EIF4G3: variants seen among roughly 807,000 people sequenced by gnomAD.
EIF4G3 encodes eukaryotic translation initiation factor 4 gamma 3.
A neutral mutation model predicts 186.4 loss-of-function variants in EIF4G3; 34 were observed. That is an observed-to-expected ratio of 0.18 (90% CI 0.14 to 0.24). EIF4G3 has a LOEUF of 0.24. EIF4G3 is among the 10% of genes least tolerant of loss of function. EIF4G3 has a pLI of 1.00. For missense variants in EIF4G3, 1,536 were observed against 1,948.5 expected (o/e 0.79, Z 3.99); for synonymous variants, 673 against 679.5 (o/e 0.99, Z 0.15).
chr1:21,115,449 A>G (rs1470290184), intron 2 of EIF4G3, among the ~76,000 whole-genome samples: 1 of 152,232 alleles, frequency 6.6e-6, no homozygotes, highest in African/African-American at 2.4e-5. Flanking sequence ...ATAAAGAGAC[A>G]TGAAGTGAGC....
Position 20,973,025 on chromosome 1 carries a change from G to C in EIF4G3, c.568C>G (p.Pro190Ala). 3 of 1,606,380 alleles carry C rather than the reference G, an allele frequency of 1.9e-6. No homozygotes were observed. Among genetic ancestry groups the C allele is most frequent in the Non-Finnish European group, 2.5e-6 (3 of 1,178,034 alleles). Residue 190 changes from proline (P) to alanine (A), a missense_variant, in exon 11 of 37, where the codon CCA becomes GCA. By Grantham distance (27) the Pro-to-Ala change is conservative. Coordinates refer to ENST00000602326, the MANE Select transcript of EIF4G3 (RefSeq NM_001391906.1). ...ACAGTTTTTTTCTCTCTCTTGGCTGGAGGCGGCTGTTGCTGCGTAGGCACT... is the reference window on the plus strand; with the variant it reads ...ACAGTTTTTTTCTCTCTCTTGGCTGCAGGCGGCTGTTGCTGCGTAGGCACT... ...IIVPTQQQPP[P>A]AKREKKTIRI...
At chr1:20,999,711 A>G (rs181780495) in intron 6 of EIF4G3, 1 of 454,162 alleles carries the variant, frequency 2.2e-6, no homozygotes, top group Admixed American at 2.4e-5. Context: ...TCTATTTTGC[A>G]CTAGTCACCA....
chr1:21,001,440 G>T, intron 5 of EIF4G3, 128 bp from the exon 6 acceptor site: 1 of 384,960 alleles, frequency 2.6e-6, no homozygotes, highest in Non-Finnish European at 5.2e-6. Flanking sequence ...CAGAAAGAGG[G>T]CCAAAGAATT....
At chr1:21,043,803 G>C (rs1335587984) in intron 4 of EIF4G3, among the ~76,000 whole-genome samples, 1 of 151,372 alleles carries the variant, frequency 6.6e-6, no homozygotes, top group East Asian at 1.9e-4. Flanking sequence ...GAGCCTGGGA[G>C]GTGGAGACTG....
At chr1:20,977,735 A>G (rs2077133652) in intron 10 of EIF4G3, among the ~76,000 whole-genome samples, 1 of 152,216 alleles carries the variant, frequency 6.6e-6, no homozygotes, top group African/African-American at 2.4e-5. Context: ...AAAAATGAAT[A>G]AAAATGGTAT....
chr1:21,036,480 A>C (rs138909101), intron 4 of EIF4G3, among the ~76,000 whole-genome samples: 2 of 152,344 alleles, frequency 1.3e-5, no homozygotes, highest in African/African-American at 4.8e-5. Flanking sequence ...AAGAGCATGA[A>C]TCATCATCTC....
chr1:21,112,951 T>C (rs1384126622), intron 2 of EIF4G3, among the ~76,000 whole-genome samples: 3 of 152,054 alleles, frequency 2.0e-5, no homozygotes, highest in East Asian at 1.9e-4. Context: ...AGCCAACTTA[T>C]AAAGACTTTA....
At chr1:20,972,634 C>CA (rs1296925024) in intron 11 of EIF4G3, among the ~76,000 whole-genome samples, 98 of 138,348 alleles carry the variant, frequency 7.1e-4, no homozygotes, top group East Asian at 4.3e-3. Context: ...GACTCCATCT[C>CA]AAAAAAAAAA....
chr1:20,929,939 T>C (rs926173703), intron 14 of EIF4G3, among the ~76,000 whole-genome samples: 3 of 152,196 alleles, frequency 2.0e-5, no homozygotes, highest in African/African-American at 7.2e-5. Flanking sequence ...TATTGTGGGT[T>C]TGTTTCCAGA....
chr1:20,944,065 C>A (rs1247980264), intron 13 of EIF4G3, among the ~76,000 whole-genome samples: 2 of 141,310 alleles, frequency 1.4e-5, no homozygotes, highest in African/African-American at 2.6e-5. Context: ...ATGGAACACA[C>A]CATATATAAC....
At chr1:20,919,591 T>C (rs2094297782) in intron 14 of EIF4G3, among the ~76,000 whole-genome samples, 1 of 152,100 alleles carries the variant, frequency 6.6e-6, no homozygotes, top group Admixed American at 6.6e-5. Flanking sequence ...AAAGAAAAAA[T>C]AATCAAAGAA....
chr1:21,000,558 G>A (rs2083276639), intron 6 of EIF4G3, among the ~76,000 whole-genome samples: 1 of 149,572 alleles, frequency 6.7e-6, no homozygotes, highest in Non-Finnish European at 1.5e-5. Flanking sequence ...ATGCAATCCT[G>A]CCAAATTTCA....
chr1:20,986,755 A>AAAAAAG (rs2079613278), intron 7 of EIF4G3, among the ~76,000 whole-genome samples: 1 of 121,178 alleles, frequency 8.3e-6, no homozygotes, highest in South Asian at 2.3e-4. Flanking sequence ...AAAAAAAAAA[A>AAAAAAG]AAAAAAAAAA....
At chr1:20,964,640 G>C (rs1233911245) in intron 12 of EIF4G3, among the ~76,000 whole-genome samples, 1 of 152,092 alleles carries the variant, frequency 6.6e-6, no homozygotes. Context: ...TAATATAATT[G>C]CTCCCTCGGC....
At chr1:20,841,626 C>A (rs993333583) in intron 29 of EIF4G3, among the ~76,000 whole-genome samples, 55 of 152,188 alleles carry the variant, frequency 3.6e-4, no homozygotes, top group Admixed American at 2.7e-3. Flanking sequence ...CATTAAAATT[C>A]TTTTAGTAAG....
At chr1:21,154,378 T>C (rs2097600474) in intron 2 of EIF4G3, among the ~76,000 whole-genome samples, 1 of 152,202 alleles carries the variant, frequency 6.6e-6, no homozygotes, top group South Asian at 2.1e-4. Context: ...GCAGATACAG[T>C]ATCAATCACT....
At chr1:21,174,405 A>G (rs565437999) in intron 2 of EIF4G3, among the ~76,000 whole-genome samples, 4 of 152,348 alleles carry the variant, frequency 2.6e-5, no homozygotes, top group Admixed American at 2.0e-4. Context: ...TGTCACATTC[A>G]GCACTGTGGT....
At chr1:20,893,345 C>A in intron 18 of EIF4G3, 172 bp downstream of exon 18, 1 of 622,306 alleles carries the variant, frequency 1.6e-6, no homozygotes, top group East Asian at 3.2e-5. Flanking sequence ...AAAAAGAACT[C>A]AAGTGTATTC....
At chr1:20,892,304 A>T (rs2086350297) in intron 18 of EIF4G3, among the ~76,000 whole-genome samples, 1 of 152,216 alleles carries the variant, frequency 6.6e-6, no homozygotes, top group African/African-American at 2.4e-5. Flanking sequence ...AACTTGGGGA[A>T]AAGAGACATT....
Sources: gnomAD v4.1 joint callset for allele counts (sites outside exome capture counted in the v4.1 genomes callset) on GRCh38, gnomAD v4.1.1 for gene constraint, MANE v1.5 for transcripts, NCBI Gene and HGNC (gene_info 2026-07-23, HGNC 2026-07-21) for gene names.